The following CD9 variants were observed in gnomAD, a reference collection of about 807,000 sequenced individuals.
CD9 encodes the protein CD9 antigen.
CD9 carries 10 observed loss-of-function variants against 31.4 expected under a neutral mutation model. The observed-to-expected ratio is 0.32, with a 90% CI of 0.20 to 0.54. The LOEUF is 0.54. CD9 is among the 20% of genes least tolerant of loss of function. The probability of loss-of-function intolerance (pLI) is 0.94; values close to 1 mark genes in which losing one functional copy is unlikely to be tolerated. For synonymous variants in CD9, 113 were observed against 114.1 expected (o/e 0.99, Z 0.06); for missense variants, 259 against 300.1 (o/e 0.86, Z 1.01).
intron 1 of CD9, among the ~76,000 whole-genome samples, chr12:6,214,716 A>G (rs1384535500): frequency 1.3e-5 from 2 of 152,086 alleles, no homozygotes; most frequent in Non-Finnish European, 2.9e-5. Context: ...GTCCAGTCTC[A>G]TGCATAACAG....
intron 1 of CD9, among the ~76,000 whole-genome samples, chr12:6,224,397 G>A (rs574256736): frequency 6.6e-6 from 1 of 152,196 alleles, no homozygotes; most frequent in African/African-American, 2.4e-5. Context: ...GCAGGCGGAG[G>A]TCTGGGTGGC....
rs888600063 is a variant in CD9, at chr12:6,237,890, G to GTTTGT, written c.*75_*79dup. 10 of 1,266,664 alleles carry GTTTGT rather than the reference G, an allele frequency of 7.9e-6. No homozygotes were observed. The highest frequency in any genetic ancestry group is 7.4e-5 in the African/African-American group (5 of 67,886). The allele number at this position is 1,266,664 out of a possible 1,614,324, so 78.5% of individuals were successfully genotyped here. On this transcript the variant is annotated 3_prime_UTR_variant, in exon 8 of 8. Coordinates refer to ENST00000009180, the MANE Select transcript of CD9 (RefSeq NM_001769.4). ...TGAAGATTGGTGGGATTTTTTGTTT[G>GTTTGT]TTTGTTTTGTTTTGTTTGTTGTTTG...
upstream of CD9, chr12:6,200,387 G>C (rs1418596461): frequency 1.5e-6 from 1 of 678,978 alleles, no homozygotes; most frequent in African/African-American, 1.8e-5. Flanking sequence ...AGTGCAGCCG[G>C]AGACCAGCCT....
intron 1 of CD9, among the ~76,000 whole-genome samples, chr12:6,223,417 A>ACGC (rs1946318717): frequency 6.6e-6 from 1 of 151,748 alleles, no homozygotes; most frequent in South Asian, 2.1e-4. Flanking sequence ...GCCCGCCACC[A>ACGC]CGCCTGGAGA....
intron 1 of CD9, among the ~76,000 whole-genome samples, chr12:6,205,101 A>G (rs1050593452): frequency 1.3e-5 from 2 of 152,236 alleles, no homozygotes; most frequent in South Asian, 2.1e-4. Context: ...CCCCAGAAGC[A>G]AGTTGCTGGG....
intron 1 of CD9, among the ~76,000 whole-genome samples, chr12:6,201,435 C>A (rs1946076051): frequency 6.6e-6 from 1 of 152,234 alleles, no homozygotes; most frequent in Non-Finnish European, 1.5e-5. Context: ...CTTGCCCTCT[C>A]CCCTCCCCGC....
At position 6,237,903 on chromosome 12, in the gene CD9, TG is replaced by T. The variant is rs768256832; in HGVS notation, c.*76del. ...GATTTTTTGTTTGTTTGTTTTGTTT[TG>T]TTTGTTGTTTGTTGTTTGTTTTTTT... On this transcript the variant is annotated 3_prime_UTR_variant, in exon 8 of 8. Coordinates refer to ENST00000009180, the MANE Select transcript of CD9 (RefSeq NM_001769.4). The T allele has an allele frequency of 8.1e-5, 86 of 1,057,854 alleles. No homozygotes were observed. The highest frequency in any genetic ancestry group is 4.3e-4 in the Middle Eastern group (2 of 4,700). The allele number at this position is 1,057,854 out of a possible 1,614,324, so 65.5% of individuals were successfully genotyped here. A position where few individuals can be genotyped will look rare whatever the true frequency, so the allele number is the denominator to read the frequency against.
At chr12:6,221,813 CA>C (rs34034952) in intron 1 of CD9, among the ~76,000 whole-genome samples, 11,730 of 62,130 alleles carry the variant, frequency 0.19, 416 homozygotes, top group Middle Eastern at 0.3. Flanking sequence ...CCTGGCTCTA[CA>C]AAAAAAAAAA....
chr12:6,233,711 T>C (rs1389539359), intron 4 of CD9, among the ~76,000 whole-genome samples: 1 of 152,132 alleles, frequency 6.6e-6, no homozygotes, highest in Non-Finnish European at 1.5e-5. Context: ...TGTTGACTCA[T>C]AGTAGATGTT....
At chr12:6,219,037 G>A (rs1449772703) in intron 1 of CD9, among the ~76,000 whole-genome samples, 1 of 152,046 alleles carries the variant, frequency 6.6e-6, no homozygotes, top group East Asian at 1.9e-4. Context: ...ATGGAGTCTC[G>A]CTGTGTCACC....
At chr12:6,233,381 G>A (rs1271511734) in intron 3 of CD9, 31 bp from the exon 4 acceptor site, 8 of 1,574,696 alleles carry the variant, frequency 5.1e-6, no homozygotes, top group Non-Finnish European at 7.0e-6. Flanking sequence ...GGCTGGGACT[G>A]TTCTCACCCC....
chr12:6,233,456 G>A lies in CD9; in HGVS notation c.318G>A (p.Ala106=), dbSNP rs1180126024. ...TGATATTCGCCATTGAAATAGCTGC[G>A]GCCATCTGGGGATATTCCCACAAGG... ...LLVIFAIEIA[A]AIWGYSHKDE... The change falls in exon 4 of 8, where the codon GCG becomes GCA. Residue 106 remains alanine (A), a synonymous_variant. Coordinates refer to ENST00000009180, the MANE Select transcript of CD9 (RefSeq NM_001769.4). The A allele has an allele frequency of 2.5e-6, 4 of 1,613,988 alleles. No homozygotes were observed. Among genetic ancestry groups the A allele is most frequent in the Admixed American group, 1.7e-5 (1 of 60,010 alleles).
rs775287669 is a variant in CD9 at position 6,233,437 on chromosome 12, T to C, written c.299T>C (p.Phe100Ser). ...GLFFGFLLVI[F>S]AIEIAAAIWG... ...TTCTTCGGCTTCCTCTTGGTGATAT[T>C]CGCCATTGAAATAGCTGCGGCCATC... The change falls in exon 4 of 8, where the codon TTC becomes TCC. Residue 100 changes from phenylalanine (F) to serine (S), a missense_variant. Physicochemically the swap from Phe to Ser is radical, Grantham distance 155. Transcript: ENST00000009180. 1 of 1,614,176 alleles carries C rather than the reference T, an allele frequency of 6.2e-7. No homozygotes were observed. Among genetic ancestry groups the C allele is most frequent in the South Asian group, 1.1e-5 (1 of 91,082 alleles).
intron 1 of CD9, among the ~76,000 whole-genome samples, chr12:6,214,065 C>G (rs1419451719): frequency 1.3e-5 from 2 of 152,150 alleles, no homozygotes; most frequent in Admixed American, 1.3e-4. Context: ...CACCGTGCAT[C>G]GAGAAGAGCA....
intron 3 of CD9, chr12:6,233,064 G>A (rs561298883): frequency 2.6e-5 from 18 of 702,216 alleles, no homozygotes; most frequent in African/African-American, 8.7e-5. Context: ...CGAACTCCAC[G>A]GAGTGGATTC....
intron 7 of CD9, 71 bp downstream of exon 7, chr12:6,236,346 G>A: frequency 7.4e-7 from 1 of 1,342,612 alleles, no homozygotes; most frequent in Non-Finnish European, 1.1e-6. Flanking sequence ...GCTCTACCCA[G>A]ACACCGCCGC....
intron 6 of CD9, 73 bp from the exon 7 acceptor site, chr12:6,236,119 G>A: frequency 6.3e-7 from 1 of 1,594,228 alleles, no homozygotes; most frequent in Non-Finnish European, 8.6e-7. Flanking sequence ...GGTGAGACGG[G>A]GGCCATGGGA....
chr12:6,236,622 C>G, intron 7 of CD9: 1 of 423,990 alleles, frequency 2.4e-6, no homozygotes, highest in Non-Finnish European at 4.2e-6. Flanking sequence ...GAAAGTCGTT[C>G]ACTAGAGGCT....
At chr12:6,201,037 G>T in intron 1 of CD9, 1 of 153,574 alleles carries the variant, frequency 6.5e-6, no homozygotes, top group Non-Finnish European at 1.5e-5. Flanking sequence ...AGGAAGGGAG[G>T]GTGCGGGCAC....
Sources: allele counts gnomAD v4.1 joint callset (sites outside exome capture counted in the v4.1 genomes callset), GRCh38; gene constraint gnomAD v4.1.1; transcripts MANE v1.5; gene names NCBI Gene and HGNC (gene_info 2026-07-23, HGNC 2026-07-21).